The following SYNE3 variants were observed in gnomAD, a reference collection of about 807,000 sequenced individuals.
SYNE3 encodes nesprin-3.
Under a neutral mutation model 111.2 loss-of-function variants are expected in SYNE3, and 100 were observed. That is an observed-to-expected ratio of 0.90 (90% CI 0.77 to 1.06). The LOEUF (loss-of-function observed/expected upper bound fraction) is 1.06. Ranked by LOEUF, SYNE3 falls within the 50% of genes least tolerant of loss-of-function variation. SYNE3 has a pLI of 0.00. For synonymous variants in SYNE3, 547 were observed against 533.9 expected, an observed-to-expected ratio of 1.02 and a Z score of -0.34; for missense variants, 1,160 against 1,240.3, an observed-to-expected ratio of 0.94 and a Z score of 0.97.
At chr14:95,513,740 T>G (rs1280723838) in intron 1 of SYNE3, among the ~76,000 whole-genome samples, 1 of 37,186 alleles carries the variant, frequency 2.7e-5, no homozygotes, top group African/African-American at 7.8e-5. Flanking sequence ...GCTTAGATTA[T>G]ATATATATAT....
intron 13 of SYNE3, 57 bp downstream of exon 13, chr14:95,439,555 C>G (rs1886288505): frequency 6.3e-7 from 1 of 1,594,730 alleles, no homozygotes; most frequent in Admixed American, 1.7e-5. Context: ...CTGAGTGTCC[C>G]TGAGTGAGAA....
intron 6 of SYNE3, among the ~76,000 whole-genome samples, chr14:95,452,643 T>G (rs561624635): frequency 6.6e-6 from 1 of 152,330 alleles, no homozygotes; most frequent in Non-Finnish European, 1.5e-5. Flanking sequence ...AGCATTGCCA[T>G]GGCAAACACT....
rs1903498545 is a variant in SYNE3, at chr14:95,413,940, C to T, written c.*3886G>A. The stretch of plus-strand genomic sequence containing the variant: ...CATGACCGAGGACCTCATCATGAGA[C>T]ATTAGAGGGGCTCATCTTCCAGGTG... On this transcript the variant is annotated 3_prime_UTR_variant, in exon 18 of 18. Transcript: ENST00000682763. 6.6e-6 allele frequency: 1 copy of T among 152,330 alleles called. No individual in the cohort carries two copies. The highest frequency in any genetic ancestry group is 2.1e-4 in the South Asian group (1 of 4,824). The allele number at this position is 152,330 out of a possible 1,614,324, so 9.4% of individuals were successfully genotyped here.
At position 95,416,745 on chromosome 14, in the gene SYNE3, A is replaced by C. The variant is rs1903593446; in HGVS notation, c.*1081T>G. Reference sequence around the variant, plus strand: ...GAAGCGGAAGGAGAGCCCTTGAGACAGGCTGAACTCCAAAGCAGATTCTCT... The same window carrying C: ...GAAGCGGAAGGAGAGCCCTTGAGACCGGCTGAACTCCAAAGCAGATTCTCT... On this transcript the variant is annotated 3_prime_UTR_variant, in exon 18 of 18. Coordinates refer to ENST00000682763, the MANE Select transcript of SYNE3 (RefSeq NM_152592.6). 2 of 152,326 alleles carry C rather than the reference A, an allele frequency of 1.3e-5. No homozygotes were observed. Among genetic ancestry groups the C allele is most frequent in the Admixed American group, 6.5e-5 (1 of 15,282 alleles). 9.4% of individuals were successfully genotyped at this position (152,326 alleles called of 1,614,324 possible).
At chr14:95,447,135 CTTT>C (rs11412651) in intron 8 of SYNE3, among the ~76,000 whole-genome samples, 12 of 134,542 alleles carry the variant, frequency 8.9e-5, no homozygotes, top group Non-Finnish European at 9.4e-5. Flanking sequence ...AGTGGTCATT[CTTT>C]TTTTTTTTTT....
At chr14:95,487,050 G>A (rs1889585887) in intron 1 of SYNE3, among the ~76,000 whole-genome samples, 1 of 152,184 alleles carries the variant, frequency 6.6e-6, no homozygotes, top group Admixed American at 6.5e-5. Flanking sequence ...AGTTAGTTCT[G>A]CCTGGAGAGT....
At chr14:95,473,776 C>CTGTTGTGAGCTTGCGAGGTGTGA (rs1888693993) in intron 2 of SYNE3, among the ~76,000 whole-genome samples, 1 of 139,184 alleles carries the variant, frequency 7.2e-6, no homozygotes, top group Non-Finnish European at 1.6e-5. Context: ...GGAGCTCAGG[C>CTGTTGTGAGCTTGCGAGGTGTGA]CAGTGTGAGC....
Position 95,466,207 on chromosome 14 carries a change from C to G in SYNE3, c.351G>C (p.Glu117Asp). The G allele has an allele frequency of 6.3e-7, 1 of 1,587,998 alleles. No homozygotes were observed. Among genetic ancestry groups the G allele is most frequent in the South Asian group, 1.1e-5 (1 of 89,830 alleles). ...AGAACTCATCTCGGGCCAGCAGGTACTCGCTCCAGTGCAGCCACACCCACT... is the reference window on the plus strand; with the variant it reads ...AGAACTCATCTCGGGCCAGCAGGTAGTCGCTCCAGTGCAGCCACACCCACT... ...RIEWVWLHWSEYLLARDEFYR... is the reference protein window; with the variant it reads ...RIEWVWLHWSDYLLARDEFYR... Residue 117 changes from glutamate (E) to aspartate (D), a missense_variant, in exon 4 of 18, where the codon GAG becomes GAC. Glu to Asp is a conservative substitution (Grantham distance 45, BLOSUM62 2). Transcript: ENST00000682763.
Position 95,430,863 on chromosome 14 carries a change from G to T in SYNE3, c.2727+1216C>A, listed in dbSNP as rs550060404. On this transcript the variant is annotated intron_variant, in intron 17 of 17. Coordinates refer to ENST00000682763, the MANE Select transcript of SYNE3 (RefSeq NM_152592.6). ...AAGCTCCATTTTATAGATGGGGAAA[G>T]TGAACCCCAAGGGGCCAAACAACTC... Among the ~76,000 whole-genome samples, 9 of 150,702 alleles carry T rather than the reference G, an allele frequency of 6.0e-5. No homozygotes were observed. The South Asian group carries it at 1.9e-3, about 32-fold the overall frequency.
chr14:95,464,625 C>T (rs578208807), intron 4 of SYNE3, among the ~76,000 whole-genome samples: 154 of 152,332 alleles, frequency 1.0e-3, no homozygotes, highest in African/African-American at 3.3e-3. Flanking sequence ...GATCTGGGAA[C>T]CCCCAAGCCA....
intron 6 of SYNE3, among the ~76,000 whole-genome samples, chr14:95,452,811 C>T (rs7150180): frequency 0.21 from 31,541 of 152,098 alleles, 5,676 homozygotes; most frequent in African/African-American, 0.49. Context: ...AGCTCTCTGA[C>T]GGTTGCAGAG....
At chr14:95,475,954 A>C in intron 1 of SYNE3, 119 bp from the exon 2 acceptor site, 1 of 1,065,692 alleles carries the variant, frequency 9.4e-7, no homozygotes, top group Non-Finnish European at 1.2e-6. Flanking sequence ...TGGTGCTCCC[A>C]GTTGGGCAAT....
rs979330917 is a variant in SYNE3, at chr14:95,470,129, C to T, written c.145-2162G>A. ...GCCACAGCAAGTACCCACACAGGGA[C>T]CCCGAGTCCCTCTCAGCAGCGAGCA... On this transcript the variant is annotated intron_variant, in intron 2 of 17. Coordinates refer to ENST00000682763, the MANE Select transcript of SYNE3 (RefSeq NM_152592.6). The surrounding 1 kb of genome is among the most constrained non-coding windows in gnomAD (Gnocchi z 4.2). Among the ~76,000 whole-genome samples the T allele has an allele frequency of 6.6e-6, 1 of 152,102 alleles. No homozygotes were observed. Among genetic ancestry groups the T allele is most frequent in the Admixed American group, 6.6e-5 (1 of 15,266 alleles).
At chr14:95,476,635 C>T (rs1374413684) in intron 1 of SYNE3, among the ~76,000 whole-genome samples, 1 of 152,252 alleles carries the variant, frequency 6.6e-6, no homozygotes, top group African/African-American at 2.4e-5. Context: ...TTAGTCCAGG[C>T]AAAACTCTTC....
rs1304779751 is a variant in SYNE3 at position 95,414,411 on chromosome 14, C to T, written c.*3415G>A. 1 of 152,206 alleles carries T rather than the reference C, an allele frequency of 6.6e-6. No individual in the cohort carries two copies. Among genetic ancestry groups the T allele is most frequent in the African/African-American group, 2.4e-5 (1 of 41,452 alleles). 9.4% of individuals were successfully genotyped at this position (152,206 alleles called of 1,614,324 possible). ...CCCACGAGCACCAAACGAGCACATT[C>T]TTTGTCTCCCTTGTCGGTGTTCCCT... On this transcript the variant is annotated 3_prime_UTR_variant, in exon 18 of 18. Transcript: ENST00000682763.
At chr14:95,459,789 C>T (rs1310753815) in intron 4 of SYNE3, among the ~76,000 whole-genome samples, 1 of 152,132 alleles carries the variant, frequency 6.6e-6, no homozygotes, top group African/African-American at 2.4e-5. Flanking sequence ...CCAAGCTCTT[C>T]AGTAGAGATC....
At chr14:95,443,113 C>T (rs201308617) in intron 11 of SYNE3, 42 bp downstream of exon 11, 32 of 1,609,632 alleles carry the variant, frequency 2.0e-5, no homozygotes, top group Non-Finnish European at 2.4e-5. Context: ...TGACAGGGGC[C>T]GGCTCTCTGT....
chr14:95,516,508 T>C (rs1412178547), intron 1 of SYNE3, among the ~76,000 whole-genome samples, 88 bp downstream of exon 1: 1 of 151,186 alleles, frequency 6.6e-6, no homozygotes, highest in Non-Finnish European at 1.5e-5. Flanking sequence ...GTGTCAGAGC[T>C]GGGCCAGGGG....
At chr14:95,443,075 G>A (rs1455758026) in intron 11 of SYNE3, 80 bp downstream of exon 11, 1 of 1,545,778 alleles carries the variant, frequency 6.5e-7, no homozygotes, top group Non-Finnish European at 8.8e-7. Flanking sequence ...AGGCAGGAAA[G>A]GGGAAGAAAG....
Sources: allele counts gnomAD v4.1 joint callset (sites outside exome capture counted in the v4.1 genomes callset), GRCh38; gene constraint gnomAD v4.1.1; non-coding constraint Gnocchi (gnomAD v3.1); transcripts MANE v1.5; gene names NCBI Gene and HGNC (gene_info 2026-07-23, HGNC 2026-07-21).